CEP85L: variants seen among roughly 807,000 people sequenced by gnomAD.
CEP85L encodes centrosomal protein 85L.
In CEP85L, 60 loss-of-function variants were observed where a neutral mutation model predicts 100.3. That is an observed-to-expected ratio of 0.60 (90% CI 0.49 to 0.74). CEP85L has a LOEUF of 0.74. Ranked by LOEUF, CEP85L falls within the 30% of genes least tolerant of loss-of-function variation. The pLI, the probability that CEP85L is intolerant of heterozygous loss-of-function variation, is 0.00. For missense variants in CEP85L, 973 were observed against 936.2 expected (o/e 1.04, Z -0.51); for synonymous variants, 319 against 322.7 (o/e 0.99, Z 0.12).
At chr6:118,627,182 G>A (rs1773852001) in intron 2 of CEP85L, among the ~76,000 whole-genome samples, 1 of 112,046 alleles carries the variant, frequency 8.9e-6, no homozygotes, top group African/African-American at 3.6e-5. Flanking sequence ...CTGGACAACA[G>A]AGCAAGACTC....
chr6:118,664,593 A>G (rs1471662981), intron 1 of CEP85L: 1 of 152,438 alleles, frequency 6.6e-6, no homozygotes, highest in East Asian at 1.9e-4. Flanking sequence ...TGTTCTCAGG[A>G]AACAGCACTG....
intron 10 of CEP85L, among the ~76,000 whole-genome samples, chr6:118,477,847 T>C (rs1328703337): frequency 6.6e-6 from 1 of 152,146 alleles, no homozygotes; most frequent in African/African-American, 2.4e-5. Flanking sequence ...TCAAAATGCA[T>C]AATTTATATT....
chr6:118,670,031 G>A (rs750204002), intron 1 of CEP85L, among the ~76,000 whole-genome samples: 18 of 151,338 alleles, frequency 1.2e-4, no homozygotes, highest in Non-Finnish European at 1.9e-4. Context: ...TATGGATGTG[G>A]TAACTGAATT....
chr6:118,517,589 T>C (rs1776355952), intron 4 of CEP85L, among the ~76,000 whole-genome samples: 2 of 152,254 alleles, frequency 1.3e-5, no homozygotes, highest in Non-Finnish European at 2.9e-5. Flanking sequence ...ATTGATTTTG[T>C]ATCCTGAGAC....
intron 3 of CEP85L, among the ~76,000 whole-genome samples, chr6:118,542,271 A>T (rs1333877015): frequency 6.6e-6 from 1 of 152,164 alleles, no homozygotes; most frequent in Non-Finnish European, 1.5e-5. Context: ...TCCAATGAAC[A>T]GGTAATGTTT....
At chr6:118,694,730 A>G (rs2114330063) in intron 1 of CEP85L, among the ~76,000 whole-genome samples, 1 of 152,314 alleles carries the variant, frequency 6.6e-6, no homozygotes, top group East Asian at 1.9e-4. Context: ...TGGAGAGTCA[A>G]TGAAATACAG....
chr6:118,593,637 CAT>C (rs1206118480), intron 2 of CEP85L, among the ~76,000 whole-genome samples: 1 of 148,934 alleles, frequency 6.7e-6, no homozygotes, highest in Non-Finnish European at 1.5e-5. Flanking sequence ...TACAATTTGA[CAT>C]GAGATTGGTG....
chr6:118,686,193 CAT>C (rs1271973861), intron 1 of CEP85L, among the ~76,000 whole-genome samples: 8 of 119,554 alleles, frequency 6.7e-5, no homozygotes, highest in African/African-American at 2.2e-4. Context: ...TGTAGCAACA[CAT>C]GTTTTTTTTT....
intron 2 of CEP85L, among the ~76,000 whole-genome samples, chr6:118,594,087 T>C (rs535503921): frequency 1.3e-5 from 2 of 152,156 alleles, no homozygotes; most frequent in Non-Finnish European, 2.9e-5. Flanking sequence ...CTCCTAACTA[T>C]TTACTGTCTT....
intron 4 of CEP85L, among the ~76,000 whole-genome samples, 184 bp from the exon 5 acceptor site, chr6:118,511,599 T>C (rs1430220764): frequency 1.3e-5 from 2 of 152,212 alleles, no homozygotes; most frequent in African/African-American, 2.4e-5. Context: ...TAAATATGTA[T>C]GCTTAGAAAT....
chr6:118,568,697 GGATT>G (rs1333949104), intron 2 of CEP85L, among the ~76,000 whole-genome samples: 1 of 152,102 alleles, frequency 6.6e-6, no homozygotes, highest in Non-Finnish European at 1.5e-5. Flanking sequence ...AGTTGCCAAT[GGATT>G]AAAGCAAAAC....
intron 6 of CEP85L, among the ~76,000 whole-genome samples, chr6:118,484,732 G>C (rs921220494): frequency 2.0e-5 from 3 of 150,820 alleles, no homozygotes; most frequent in East Asian, 3.9e-4. Flanking sequence ...TGGGAACTAA[G>C]AGAGGAAGAT....
At chr6:118,681,940 CA>C (rs1242900710) in intron 1 of CEP85L, among the ~76,000 whole-genome samples, 1 of 151,920 alleles carries the variant, frequency 6.6e-6, no homozygotes, top group Non-Finnish European at 1.5e-5. Context: ...GGGGTTTCGC[CA>C]TGTTGCCAGG....
chr6:118,652,585 C>A, upstream of CEP85L: 1 of 1,470,222 alleles, frequency 6.8e-7, no homozygotes, highest in Non-Finnish European at 9.0e-7. Flanking sequence ...GTTCTGGAAT[C>A]TTGCTAACAA....
At chr6:118,548,405 T>G (rs1284659514) in intron 3 of CEP85L, 1 of 152,120 alleles carries the variant, frequency 6.6e-6, no homozygotes, top group Non-Finnish European at 1.5e-5. Context: ...AAGAAACAGA[T>G]TTCGCTGACT....
In CEP85L at chr6:118,651,468, A is replaced by G. The variant is rs1775557305; in HGVS notation, c.-199T>C. On this transcript the variant is annotated 5_prime_UTR_variant, in exon 1 of 13. The change abolishes an upstream ATG in the 5' untranslated region. Transcript: ENST00000368491. ...ATTCGCCGCACTGCCGGCGCCTGCC[A>G]TGGCCAAGCCGGCTGGGCTGAGGCC... The G allele has an allele frequency of 1.5e-6, 2 of 1,316,246 alleles. No individual in the cohort carries two copies. The highest frequency in any genetic ancestry group is 1.9e-6 in the Non-Finnish European group (2 of 1,036,194). The allele number at this position is 1,316,246 out of a possible 1,614,324, so 81.5% of individuals were successfully genotyped here. A position where few individuals can be genotyped will look rare whatever the true frequency, so the allele number is the denominator to read the frequency against.
chr6:118,553,619 A>G (rs1778679253), intron 3 of CEP85L, among the ~76,000 whole-genome samples: 1 of 152,244 alleles, frequency 6.6e-6, no homozygotes. Context: ...TAAATCTGAC[A>G]AGAAACAGGA....
chr6:118,592,329 C>CT (rs34976343), intron 2 of CEP85L, among the ~76,000 whole-genome samples: 8,159 of 121,618 alleles, frequency 0.067, 315 homozygotes, highest in Middle Eastern at 0.1. Context: ...TCCTCTAGGT[C>CT]TTTTTTTTTT....
chr6:118,664,772 A>G (rs557254284), intron 1 of CEP85L, among the ~76,000 whole-genome samples: 1 of 152,152 alleles, frequency 6.6e-6, no homozygotes, highest in South Asian at 2.1e-4. Flanking sequence ...AAATAATCGC[A>G]GTGACCACAT....
Sources: gnomAD v4.1 joint callset for allele counts (sites outside exome capture counted in the v4.1 genomes callset) on GRCh38, gnomAD v4.1.1 for gene constraint, MANE v1.5 for transcripts, NCBI Gene and HGNC (gene_info 2026-07-23, HGNC 2026-07-21) for gene names.